The following DAP3 variants were observed in gnomAD, a reference collection of about 807,000 sequenced individuals.
DAP3 encodes the protein small ribosomal subunit protein mS29.
A neutral mutation model predicts 51.9 loss-of-function variants in DAP3; 28 were observed. The observed-to-expected ratio is 0.54, with a 90% CI of 0.40 to 0.74. The LOEUF (loss-of-function observed/expected upper bound fraction) is 0.74. Ranked by LOEUF, DAP3 falls within the 30% of genes least tolerant of loss-of-function variation. DAP3 has a pLI of 0.00. For synonymous variants in DAP3, 170 were observed against 170.3 expected (o/e 1.00, Z 0.01); for missense variants, 458 against 483.5 (o/e 0.95, Z 0.49).
At chr1:155,724,383 C>G (rs1256023550) in intron 4 of DAP3, among the ~76,000 whole-genome samples, 1 of 151,808 alleles carries the variant, frequency 6.6e-6, no homozygotes, top group Non-Finnish European at 1.5e-5. Flanking sequence ...CGCCTATAAT[C>G]CCAGCACCTT....
chr1:155,694,213 C>G (rs781246199), intron 1 of DAP3, among the ~76,000 whole-genome samples: 33 of 141,234 alleles, frequency 2.3e-4, no homozygotes, highest in Admixed American at 9.9e-4. Flanking sequence ...TGGCCCTATG[C>G]AAAGAGGAGG....
chr1:155,700,383 T>C (rs1017996560), intron 1 of DAP3, among the ~76,000 whole-genome samples: 10 of 152,284 alleles, frequency 6.6e-5, no homozygotes, highest in African/African-American at 2.4e-4. Flanking sequence ...GTGTCTGATT[T>C]GGATAAAATT....
intron 1 of DAP3, among the ~76,000 whole-genome samples, chr1:155,692,059 C>A (rs1653893163): frequency 7.1e-6 from 1 of 141,812 alleles, no homozygotes; most frequent in South Asian, 2.1e-4. Context: ...AGCAGTACGT[C>A]ATACACATAA....
At chr1:155,717,812 A>G (rs1457426159) in intron 3 of DAP3, among the ~76,000 whole-genome samples, 1 of 152,166 alleles carries the variant, frequency 6.6e-6, no homozygotes, top group African/African-American at 2.4e-5. Flanking sequence ...GAAGAGCAGC[A>G]TTTAAAGTGA....
intron 1 of DAP3, among the ~76,000 whole-genome samples, chr1:155,705,196 A>C (rs1268121062): frequency 6.6e-6 from 1 of 151,856 alleles, no homozygotes; most frequent in Non-Finnish European, 1.5e-5. Context: ...TGAGGTGGGA[A>C]GATCACTTAA....
At chr1:155,733,754 T>C (rs540576858) in intron 11 of DAP3, among the ~76,000 whole-genome samples, 1 of 152,172 alleles carries the variant, frequency 6.6e-6, no homozygotes, top group East Asian at 1.9e-4. Context: ...GAAGAATCGG[T>C]TGAACCCAGG....
intron 2 of DAP3, 90 bp downstream of exon 2, chr1:155,709,914 A>G: frequency 7.7e-7 from 1 of 1,290,806 alleles, no homozygotes; most frequent in East Asian, 2.3e-5. Context: ...ATCTAGAGTG[A>G]AATGCTCTGG....
At chr1:155,706,697 G>C (rs1032019240) in intron 1 of DAP3, among the ~76,000 whole-genome samples, 1 of 151,984 alleles carries the variant, frequency 6.6e-6, no homozygotes, top group Non-Finnish European at 1.5e-5. Flanking sequence ...AGCCCGGGGA[G>C]GCAAGGTTCC....
Position 155,737,121 on chromosome 1 carries a change from G to T in DAP3, c.1111+58G>T, listed in dbSNP as rs933877701. 26 of 1,229,438 alleles carry T rather than the reference G, an allele frequency of 2.1e-5. No homozygotes were observed. In the African/African-American group the frequency reaches 3.3e-4, roughly 16 times the overall value. 76.2% of individuals were successfully genotyped at this position (1,229,438 alleles called of 1,614,324 possible). Reference sequence around the variant, plus strand: ...TGTGATCACAGTAGAATCCCACTCAGTCAGAGCCTTGATCTCTTCTTCCCT... The same window carrying T: ...TGTGATCACAGTAGAATCCCACTCATTCAGAGCCTTGATCTCTTCTTCCCT... On this transcript the variant is annotated intron_variant, in intron 12 of 12. Transcript: ENST00000368336.
At chr1:155,732,350 C>T (rs187691871) in intron 11 of DAP3, 6 of 185,918 alleles carry the variant, frequency 3.2e-5, no homozygotes, top group East Asian at 1.6e-4. Context: ...CTGTCTCGGC[C>T]TCCTAAGTAG....
At chr1:155,691,109 G>A (rs1159754533) in intron 1 of DAP3, among the ~76,000 whole-genome samples, 6 of 141,678 alleles carry the variant, frequency 4.2e-5, no homozygotes, top group South Asian at 2.1e-4. Flanking sequence ...GGGTTTCACC[G>A]TGTTAGCCAG....
At chr1:155,706,768 T>TAAATA (rs910848990) in intron 1 of DAP3, among the ~76,000 whole-genome samples, 34 of 151,132 alleles carry the variant, frequency 2.2e-4, no homozygotes, top group Middle Eastern at 3.4e-3. Flanking sequence ...AATAAATAAA[T>TAAATA]AAATAAAATA....
intron 9 of DAP3, among the ~76,000 whole-genome samples, chr1:155,730,534 T>G (rs1659131480): frequency 6.6e-6 from 1 of 152,024 alleles, no homozygotes; most frequent in Admixed American, 6.6e-5. Context: ...GAGGATGGCT[T>G]GAGCCCAAGA....
chr1:155,715,473 G>C (rs1263779629), intron 2 of DAP3, among the ~76,000 whole-genome samples: 1 of 151,966 alleles, frequency 6.6e-6, no homozygotes, highest in African/African-American at 2.4e-5. Context: ...AGTGTGCCGT[G>C]ATCGTGCCAC....
intron 3 of DAP3, 86 bp from the exon 4 acceptor site, chr1:155,721,431 C>CATAT: frequency 1.1e-6 from 1 of 898,098 alleles, no homozygotes; most frequent in Non-Finnish European, 1.8e-6. Context: ...CATAGACATA[C>CATAT]ATATATACAC....
intron 3 of DAP3, 66 bp downstream of exon 3, chr1:155,717,194 C>T: frequency 6.3e-7 from 1 of 1,576,894 alleles, no homozygotes; most frequent in Non-Finnish European, 8.6e-7. Flanking sequence ...CCTCATTTTG[C>T]ATAGGAAAAC....
intron 1 of DAP3, among the ~76,000 whole-genome samples, chr1:155,695,022 A>G (rs1372204865): frequency 2.0e-5 from 3 of 152,198 alleles, no homozygotes; most frequent in African/African-American, 7.2e-5. Context: ...TCGCTCAACA[A>G]TCGCTTGCCT....
intron 2 of DAP3, among the ~76,000 whole-genome samples, chr1:155,712,143 C>T (rs948424500): frequency 2.6e-5 from 4 of 152,136 alleles, no homozygotes; most frequent in Non-Finnish European, 4.4e-5. Flanking sequence ...ATCAAGTTGA[C>T]GCTTAATATT....
intron 2 of DAP3, among the ~76,000 whole-genome samples, chr1:155,715,413 TTGGGAGCCTGAGA>T (rs1657211536): frequency 6.6e-6 from 1 of 151,902 alleles, no homozygotes; most frequent in Non-Finnish European, 1.5e-5. Flanking sequence ...TCCCAGCTAC[TTGGGAGCCTGAGA>T]TGGGAGCATG....
Sources: allele counts gnomAD v4.1 joint callset (sites outside exome capture counted in the v4.1 genomes callset), GRCh38; gene constraint gnomAD v4.1.1; transcripts MANE v1.5; gene names NCBI Gene and HGNC (gene_info 2026-07-23, HGNC 2026-07-21).